Variants in SYT16 observed in about 807,000 individuals in gnomAD.
The protein encoded by SYT16 is synaptotagmin 16, also known as synaptotagmin-16.
In SYT16, 42 loss-of-function variants were observed where a neutral mutation model predicts 61.4. The observed-to-expected ratio is 0.68, with a 90% CI of 0.53 to 0.89. The LOEUF is 0.89. Among genes scored for constraint, SYT16 ranks in the 40% least tolerant of loss-of-function variants. The pLI, the probability that SYT16 is intolerant of heterozygous loss-of-function variation, is 0.00. For missense variants in SYT16, 804 were observed against 807.3 expected (o/e 1.00, Z 0.05); for synonymous variants, 314 against 302.3 (o/e 1.04, Z -0.40).
intron 3 of SYT16, among the ~76,000 whole-genome samples, chr14:62,063,162 T>C (rs755240868): frequency 1.3e-5 from 2 of 152,212 alleles, no homozygotes; most frequent in Admixed American, 6.5e-5. Context: ...CAACCCACAC[T>C]ATCAGCTTTA....
intron 3 of SYT16, among the ~76,000 whole-genome samples, chr14:62,009,093 TC>T: frequency 6.6e-6 from 1 of 152,314 alleles, no homozygotes; most frequent in South Asian, 2.1e-4. Context: ...CATATTGGCT[TC>T]TTCTCTCTGT....
intron 4 of SYT16, among the ~76,000 whole-genome samples, chr14:62,072,913 A>G (rs1328864148): frequency 6.6e-6 from 1 of 152,222 alleles, no homozygotes; most frequent in Non-Finnish European, 1.5e-5. Context: ...TTGATGTGAC[A>G]TAGTTATGGC....
chr14:61,922,963 C>T lies in SYT16; in HGVS notation c.-324-47169C>T, dbSNP rs866556184. ...GCTCAGGAGGCTGAGGCAGGACAAT[C>T]GCTTGAACCCGGGAGGCAGAGGTTG... On this transcript the variant is annotated intron_variant, in intron 1 of 7. Transcript: ENST00000683842. Among the ~76,000 whole-genome samples the T allele has an allele frequency of 1.5e-4, 22 of 151,318 alleles. No homozygotes were observed. The Middle Eastern group carries it at 0.024, about 165-fold the overall frequency.
rs2057621932 is a variant in SYT16 at position 62,112,257 on chromosome 14, C to G, written c.*11550C>G. 6.6e-6 allele frequency: 1 copy of G among 152,082 alleles called. No homozygotes were observed. Among genetic ancestry groups the G allele is most frequent in the Non-Finnish European group, 1.5e-5 (1 of 67,966 alleles). 9.4% of individuals were successfully genotyped at this position (152,082 alleles called of 1,614,324 possible). On this transcript the variant is annotated 3_prime_UTR_variant, in exon 8 of 8. Transcript: ENST00000683842. ...TAAATTCATGATTAGAAGAATTATA[C>G]TGTTTTTCTTGTGCAAATAATACTT...
At chr14:61,865,163 C>G (rs552524082) in intron 1 of SYT16, 2 of 1,227,418 alleles carry the variant, frequency 1.6e-6, no homozygotes, top group Non-Finnish European at 2.4e-6. Context: ...CCTGCAGTTA[C>G]TGGGCCCAGA....
At chr14:61,852,856 C>G (rs1397353653) in intron 1 of SYT16, among the ~76,000 whole-genome samples, 1 of 152,156 alleles carries the variant, frequency 6.6e-6, no homozygotes, top group Non-Finnish European at 1.5e-5. Flanking sequence ...TTTTAAAAGT[C>G]AAATTGATAC....
Position 62,107,652 on chromosome 14 carries a change from T to C in SYT16, c.*6945T>C, listed in dbSNP as rs1281142878. The C allele has an allele frequency of 6.6e-6, 1 of 152,196 alleles. No individual in the cohort carries two copies. The highest frequency in any genetic ancestry group is 6.5e-5 in the Admixed American group (1 of 15,282). 9.4% of individuals were successfully genotyped at this position (152,196 alleles called of 1,614,324 possible). On this transcript the variant is annotated 3_prime_UTR_variant, in exon 8 of 8. Coordinates refer to ENST00000683842, the MANE Select transcript of SYT16 (RefSeq NM_001367656.1). ...GGCTTAATGTATTTCTGTAATTGTC[T>C]CTTTCCCCCTTTGAAAGGCAGAAGA...
intron 1 of SYT16, among the ~76,000 whole-genome samples, chr14:61,888,462 A>T (rs217685): frequency 6.6e-6 from 1 of 152,156 alleles, no homozygotes; most frequent in Non-Finnish European, 1.5e-5. Context: ...GGAATAACTA[A>T]GTCCAAGAAA....
At chr14:61,861,021 C>T (rs1248437967) in intron 1 of SYT16, among the ~76,000 whole-genome samples, 2 of 151,938 alleles carry the variant, frequency 1.3e-5, no homozygotes, top group Non-Finnish European at 2.9e-5. Context: ...GAATCTAGGA[C>T]CAGGAAGAAT....
At chr14:61,919,038 T>C (rs556147045) in intron 1 of SYT16, among the ~76,000 whole-genome samples, 1 of 152,336 alleles carries the variant, frequency 6.6e-6, no homozygotes, top group African/African-American at 2.4e-5. Flanking sequence ...CCTGACTCTT[T>C]TTTAACCTGC....
intron 1 of SYT16, among the ~76,000 whole-genome samples, chr14:61,939,144 C>T (rs2050109630): frequency 6.6e-6 from 1 of 151,962 alleles, no homozygotes; most frequent in South Asian, 2.1e-4. Context: ...CAAATAAAAA[C>T]AAAAACAAAA....
intron 2 of SYT16, among the ~76,000 whole-genome samples, chr14:61,973,277 G>A (rs2051640043): frequency 6.6e-6 from 1 of 152,066 alleles, no homozygotes; most frequent in Admixed American, 6.6e-5. Context: ...TCTGGATTTA[G>A]GCAAGGGGAC....
At chr14:61,870,440 A>C (rs1332292098) in intron 1 of SYT16, among the ~76,000 whole-genome samples, 1 of 150,904 alleles carries the variant, frequency 6.6e-6, no homozygotes, top group African/African-American at 2.4e-5. Flanking sequence ...ATGATGATGT[A>C]CTTTAGTTTG....
At chr14:62,086,553 C>G (rs1472602701) in intron 7 of SYT16, among the ~76,000 whole-genome samples, 1 of 152,086 alleles carries the variant, frequency 6.6e-6, no homozygotes, top group Non-Finnish European at 1.5e-5. Context: ...TCTCAGTTTC[C>G]TCATCTATAA....
chr14:62,025,872 C>A (rs758891076), intron 3 of SYT16, among the ~76,000 whole-genome samples: 1 of 149,372 alleles, frequency 6.7e-6, no homozygotes, highest in African/African-American at 2.5e-5. Context: ...TAGTCACTTG[C>A]AAATTGTTAA....
At chr14:62,018,051 C>T (rs996134496) in intron 3 of SYT16, among the ~76,000 whole-genome samples, 1 of 151,988 alleles carries the variant, frequency 6.6e-6, no homozygotes, top group African/African-American at 2.4e-5. Context: ...CTGTATCCAT[C>T]TCTCCCTCTC....
chr14:61,970,651 G>C (rs748663614), intron 2 of SYT16, among the ~76,000 whole-genome samples: 11 of 152,182 alleles, frequency 7.2e-5, no homozygotes, highest in Non-Finnish European at 1.3e-4. Flanking sequence ...TCAGGACCAT[G>C]TCCCACCTTG....
At chr14:61,974,040 G>A (rs2051677123) in intron 2 of SYT16, among the ~76,000 whole-genome samples, 1 of 152,182 alleles carries the variant, frequency 6.6e-6, no homozygotes, top group Non-Finnish European at 1.5e-5. Context: ...TGCCTCACTG[G>A]TGTCCCATGT....
At chr14:62,010,386 G>A (rs1219970751) in intron 3 of SYT16, among the ~76,000 whole-genome samples, 1 of 152,286 alleles carries the variant, frequency 6.6e-6, no homozygotes, top group East Asian at 1.9e-4. Context: ...CTCTGAGAAG[G>A]CAGCATGTAA....
Sources: gnomAD v4.1 joint callset for allele counts (sites outside exome capture counted in the v4.1 genomes callset) on GRCh38, gnomAD v4.1.1 for gene constraint, MANE v1.5 for transcripts, NCBI Gene and HGNC (gene_info 2026-07-23, HGNC 2026-07-21) for gene names.